The following ZNF318 variants were observed in gnomAD, a reference collection of about 807,000 sequenced individuals.
ZNF318 encodes the protein endocrine regulator.
ZNF318 carries 51 observed loss-of-function variants against 124.2 expected under a neutral mutation model. That is an observed-to-expected ratio of 0.41 (90% confidence interval 0.33 to 0.52). The LOEUF (loss-of-function observed/expected upper bound fraction) is 0.52. Ranked by LOEUF, ZNF318 falls within the 20% of genes least tolerant of loss-of-function variation. The pLI is 0.23. For synonymous variants in ZNF318, 1,090 were observed against 1,040.7 expected, an observed-to-expected ratio of 1.05 and a Z score of -0.91; for missense variants, 2,815 against 2,811.2, an observed-to-expected ratio of 1.00 and a Z score of -0.03.
In ZNF318 at chr6:43,357,625, A is replaced by C. The variant is rs773082240; in HGVS notation, c.689T>G (p.Phe230Cys). 1.9e-6 allele frequency: 3 copies of C among 1,614,106 alleles called. No homozygotes were observed. Among genetic ancestry groups the C allele is most frequent in the East Asian group, 2.2e-5 (1 of 44,868 alleles). The change falls in exon 3 of 10, where the codon TTC (phenylalanine) becomes TGC (cysteine). Residue 230 changes from phenylalanine to cysteine, a missense_variant. This residue lies in a region of ZNF318 where 1,377 missense variants were observed against 1,353.5 expected (regional missense o/e 1.02). Transcript: ENST00000361428. ...GGGACTATAATCAGATCGATGCAGG[A>C]AAGTTTCTTTTGTTCGGTAGTCCTC... is the stretch of plus-strand genomic sequence containing the variant. ...LDEDYRTKET[F>C]LHRSDYSPHI... is the part of the protein sequence containing the mutation.
At chr6:43,363,597 G>A (rs1779716468) in intron 2 of ZNF318, 2 of 379,496 alleles carry the variant, frequency 5.3e-6, no homozygotes, top group East Asian at 6.2e-5. Context: ...ATAAGGAGTG[G>A]ATGCCTGTCA....
intron 2 of ZNF318, chr6:43,363,393 G>A (rs1214322490): frequency 6.1e-6 from 1 of 162,686 alleles, no homozygotes; most frequent in African/African-American, 2.4e-5. Flanking sequence ...AATGTTATAT[G>A]ACATAAGACT....
intron 5 of ZNF318, among the ~76,000 whole-genome samples, chr6:43,351,573 C>T (rs1276333187): frequency 6.6e-6 from 1 of 151,990 alleles, no homozygotes; most frequent in Non-Finnish European, 1.5e-5. Context: ...CCAGCCTGGA[C>T]AAAATGATGA....
chr6:43,358,159 G>C (rs1779636813), intron 2 of ZNF318, among the ~76,000 whole-genome samples: 1 of 152,204 alleles, frequency 6.6e-6, no homozygotes, highest in African/African-American at 2.4e-5. Flanking sequence ...ACCCCAAGCA[G>C]ATCTGAACTA....
In ZNF318 at chr6:43,337,027, T is replaced by G; in HGVS notation, c.*131A>C. 1 of 853,640 alleles carries G rather than the reference T, an allele frequency of 1.2e-6. No homozygotes were observed. Among genetic ancestry groups the G allele is most frequent in the Middle Eastern group, 3.7e-4 (1 of 2,704 alleles). 52.9% of individuals were successfully genotyped at this position (853,640 alleles called of 1,614,324 possible). ...GTAAATTTTTTAGCTTCCATGAACA[T>G]TTACTTTAAGATGCTGACTGCATCT... On this transcript the variant is annotated 3_prime_UTR_variant, in exon 10 of 10. Coordinates refer to ENST00000361428, the MANE Select transcript of ZNF318 (RefSeq NM_014345.3).
Position 43,369,100 on chromosome 6 carries a change from G to A in ZNF318, c.266C>T (p.Ser89Phe), listed in dbSNP as rs1404576756. The A allele has an allele frequency of 2.6e-5, 33 of 1,256,922 alleles. No homozygotes were observed. Among genetic ancestry groups the A allele is most frequent in the Non-Finnish European group, 3.2e-5 (32 of 1,001,366 alleles). 77.9% of individuals were successfully genotyped at this position (1,256,922 alleles called of 1,614,324 possible). A position where few individuals can be genotyped will look rare whatever the true frequency, so the allele number is the denominator to read the frequency against. The change falls in exon 1 of 10, where the codon TCC becomes TTC. Residue 89 changes from serine to phenylalanine, a missense_variant. Ser to Phe is a radical substitution (Grantham distance 155). Coordinates refer to ENST00000361428, the MANE Select transcript of ZNF318 (RefSeq NM_014345.3). ...SPSPPRARRGSPSPPRGRRLF... is the reference protein window; with the variant it reads ...SPSPPRARRGFPSPPRGRRLF... ...TCGTCGGCCCCGCGGTGGCGACGGG[G>A]AGCCGCGACGGGCCCGAGGCGGGGA...
rs771698931 is a variant in ZNF318 at position 43,337,548 on chromosome 6, T to A, written c.6450A>T (p.Ser2150=). The stretch of plus-strand genomic sequence containing the variant: ...TAATTGTTTTTAATTCCAATCCGAG[T>A]GACTCTTGTTTGTCTAATTGGGAAG... The part of the protein sequence containing the change: ...KESSQLDKQE[S]LGLELKTINS... Residue 2150 remains serine, a synonymous_variant, in exon 10 of 10, where the codon TCA becomes TCT. Transcript: ENST00000361428. The A allele has an allele frequency of 1.3e-5, 21 of 1,614,056 alleles. No individual in the cohort carries two copies. The highest frequency in any genetic ancestry group is 1.8e-5 in the Non-Finnish European group (21 of 1,179,994).
Position 43,354,912 on chromosome 6 carries a change from A to G in ZNF318, c.2422T>C (p.Ser808Pro), listed in dbSNP as rs759633839. Residue 808 changes from serine to proline, a missense_variant, in exon 4 of 10, where the codon TCT (serine) becomes CCT (proline). By Grantham distance (74) the Ser-to-Pro change is moderately conservative. This residue lies in a region of ZNF318 where 1,377 missense variants were observed against 1,353.5 expected (regional missense o/e 1.02). Coordinates refer to ENST00000361428, the MANE Select transcript of ZNF318 (RefSeq NM_014345.3). The part of the protein sequence containing the change: ...AASRWPMYPT[S>P]QPSNHPVPEP... ...GGTACAGGGTGGTTTGACGGTTGAG[A>G]GGTGGGATACATGGGCCATCTGGAG... is the stretch of plus-strand genomic sequence containing the variant. The G allele has an allele frequency of 3.7e-6, 6 of 1,612,466 alleles. No individual in the cohort carries two copies. In the South Asian group the frequency reaches 6.6e-5, roughly 18 times the overall value.
intron 6 of ZNF318, among the ~76,000 whole-genome samples, chr6:43,343,751 C>T (rs902900893): frequency 2.0e-5 from 3 of 147,390 alleles, no homozygotes; most frequent in East Asian, 2.0e-4. Context: ...ATCACTTGAA[C>T]CCAGGAGGCG....
rs375331597 is a variant in ZNF318, at chr6:43,353,620, C to A, written c.2670+1044G>T. Among the ~76,000 whole-genome samples the A allele has an allele frequency of 8.5e-5, 13 of 152,208 alleles. 1 individual carries two copies. In the South Asian group the frequency reaches 2.7e-3, roughly 32 times the overall value. Reference sequence around the variant, plus strand: ...TGATCTTCTGACCTCGTGATCCACCCGCCTCAGCCTCCCAAAGTGCTGGGA... The same window carrying A: ...TGATCTTCTGACCTCGTGATCCACCAGCCTCAGCCTCCCAAAGTGCTGGGA... On this transcript the variant is annotated intron_variant, in intron 4 of 9. Coordinates refer to ENST00000361428, the MANE Select transcript of ZNF318 (RefSeq NM_014345.3).
rs1281341101 is a variant in ZNF318 at position 43,348,557 on chromosome 6, G to A, written c.2839C>T (p.Arg947Trp). The A allele has an allele frequency of 2.5e-6, 4 of 1,613,926 alleles. No homozygotes were observed. Among genetic ancestry groups the A allele is most frequent in the African/African-American group, 1.3e-5 (1 of 74,874 alleles). The change falls in exon 6 of 10, where the codon CGG (arginine) becomes TGG (tryptophan). Residue 947 changes from arginine to tryptophan, a missense_variant. Transcript: ENST00000361428. The part of the protein sequence containing the change: ...HKDPLLVEVS[R>W]LQDNIMKDIA... ...TCCTTCATAATGTTATCCTGAAGCC[G>A]ACTCACCTCCACCAAGAGAGGATCT...
rs148708239 is a variant in ZNF318, at chr6:43,338,149, A to C, written c.5849T>G (p.Val1950Gly). 4.3e-6 allele frequency: 7 copies of C among 1,613,644 alleles called. No individual in the cohort carries two copies. Among genetic ancestry groups the C allele is most frequent in the Non-Finnish European group, 5.9e-6 (7 of 1,179,954 alleles). The change falls in exon 10 of 10, where the codon GTT becomes GGT. Residue 1950 changes from valine (V) to glycine (G), a missense_variant. This residue lies in a region of ZNF318 where 927 missense variants were observed against 820.6 expected (regional missense o/e 1.13). Coordinates refer to ENST00000361428, the MANE Select transcript of ZNF318 (RefSeq NM_014345.3). ...AACAGCCAACTCATAGATCTTTTTAACTTGAAAGTCTTTTGATCTTTCTCT... is the reference window on the plus strand; with the variant it reads ...AACAGCCAACTCATAGATCTTTTTACCTTGAAAGTCTTTTGATCTTTCTCT... ...LKRERSKDFQ[V>G]KKIYELAVWD...
chr6:43,342,296 AC>A, intron 7 of ZNF318, 85 bp from the exon 8 acceptor site: 2 of 1,074,862 alleles, frequency 1.9e-6, no homozygotes, highest in Non-Finnish European at 2.6e-6. Flanking sequence ...CCATAATAAG[AC>A]CAGGGGACCA....
chr6:43,337,797 A>G lies in ZNF318; in HGVS notation c.6201T>C (p.Ser2067=), dbSNP rs181264950. The change falls in exon 10 of 10, where the codon TCT becomes TCC. Residue 2067 remains serine (S), a synonymous_variant. Coordinates refer to ENST00000361428, the MANE Select transcript of ZNF318 (RefSeq NM_014345.3). ...SDPADFEPIP[S]FSGFPLDSPK... ...GAGAATCTAACGGAAACCCAGAAAA[A>G]GATGGGATTGGTTCGAAGTCAGCGG... is the stretch of plus-strand genomic sequence containing the variant. 8.1e-6 allele frequency: 13 copies of G among 1,614,236 alleles called. No individual in the cohort carries two copies. In the Admixed American group the frequency reaches 1.0e-4, roughly 12 times the overall value.
chr6:43,338,626 C>T lies in ZNF318; in HGVS notation c.5372G>A (p.Gly1791Glu), dbSNP rs769556523. 3.1e-6 allele frequency: 5 copies of T among 1,614,098 alleles called. No homozygotes were observed. The highest frequency in any genetic ancestry group is 2.2e-5 in the East Asian group (1 of 44,882). The change falls in exon 10 of 10, where the codon GGG becomes GAG. Residue 1791 changes from glycine to glutamate, a missense_variant. Gly to Glu is a moderately conservative substitution (Grantham distance 98). This residue lies in a region of ZNF318 where 927 missense variants were observed against 820.6 expected (regional missense o/e 1.13). Coordinates refer to ENST00000361428, the MANE Select transcript of ZNF318 (RefSeq NM_014345.3). ...GGTACTTACTCCCTCATCAACTATC[C>T]CCTCAGACAGCTCCTTTACCCTTTC... ...LKERVKELSE[G>E]IVDEGVSTSI...
chr6:43,348,341 T>G lies in ZNF318; in HGVS notation c.3055A>C (p.Asn1019His). Residue 1019 changes from asparagine (N) to histidine (H), a missense_variant, in exon 6 of 10, where the codon AAC (asparagine) becomes CAC (histidine). Around this residue, in one of 4 missense-constraint regions of ZNF318, gnomAD observed 1,377 missense variants for 1,353.5 expected, o/e 1.02. Transcript: ENST00000361428. The part of the protein sequence containing the change: ...KSPEKVSSFS[N>H]SSSNKESKVN... ...GTTGTTACCTTGTTGGAGGAGGAGTTTGAGAACGATGACACTTTTTCTGGG... is the reference window on the plus strand; with the variant it reads ...GTTGTTACCTTGTTGGAGGAGGAGTGTGAGAACGATGACACTTTTTCTGGG... The G allele has an allele frequency of 6.2e-7, 1 of 1,608,978 alleles. No individual in the cohort carries two copies.
At chr6:43,358,173 T>G (rs1230854224) in intron 2 of ZNF318, among the ~76,000 whole-genome samples, 1 of 152,218 alleles carries the variant, frequency 6.6e-6, no homozygotes, top group Non-Finnish European at 1.5e-5. Context: ...TGAACTAGAA[T>G]CTGCATTTTA....
Position 43,357,155 on chromosome 6 carries a change from C to G in ZNF318, c.1159G>C (p.Glu387Gln), listed in dbSNP as rs747981377. Reference protein sequence around the residue: ...PKKSILKKRIEVDIMEPSMQL... With the variant: ...PKKSILKKRIQVDIMEPSMQL... ...ATGGAGGGCTCCATTATGTCCACCT[C>G]AATCCGCTTCTTCAAAATGGATTTC... The change falls in exon 3 of 10, where the codon GAG (glutamate) becomes CAG (glutamine). Residue 387 changes from glutamate (E) to glutamine (Q), a missense_variant. Physicochemically the swap from Glu to Gln is conservative, Grantham distance 29. Transcript: ENST00000361428. 2 of 1,613,464 alleles carry G rather than the reference C, an allele frequency of 1.2e-6. No individual in the cohort carries two copies. The highest frequency in any genetic ancestry group is 3.3e-5 in the Admixed American group (2 of 59,984).
chr6:43,359,745 T>A (rs1426318264), intron 2 of ZNF318, among the ~76,000 whole-genome samples: 1 of 152,220 alleles, frequency 6.6e-6, no homozygotes, highest in East Asian at 1.9e-4. Context: ...GGAATAAATT[T>A]ATGAAAGGTT....
Sources: gnomAD v4.1 joint callset for allele counts (sites outside exome capture counted in the v4.1 genomes callset) on GRCh38, gnomAD v4.1.1 for gene constraint, gnomAD v4.1.1 regional missense constraint, MANE v1.5 for transcripts, NCBI Gene and HGNC (gene_info 2026-07-23, HGNC 2026-07-21) for gene names.